SYN3: variants seen among roughly 807,000 people sequenced by gnomAD.
SYN3 encodes the protein synapsin III, also known as synapsin-3.
A neutral mutation model predicts 65.8 loss-of-function variants in SYN3; 35 were observed. The observed-to-expected ratio is 0.53, with a 90% confidence interval of 0.41 to 0.70. The LOEUF is 0.70. SYN3 is among the 30% of genes least tolerant of loss of function. SYN3 has a pLI of 0.00. For missense variants in SYN3, 680 were observed against 749.0 expected (o/e 0.91, Z 1.08); for synonymous variants, 270 against 292.9 (o/e 0.92, Z 0.80).
At chr22:33,048,844 T>C (rs1439743101) in intron 1 of SYN3, among the ~76,000 whole-genome samples, 1 of 152,228 alleles carries the variant, frequency 6.6e-6, no homozygotes, top group East Asian at 1.9e-4. Context: ...CCAAACTGAA[T>C]GACGGAAACC....
intron 1 of SYN3, among the ~76,000 whole-genome samples, chr22:33,007,677 G>A (rs1186487681): frequency 6.6e-6 from 1 of 152,172 alleles, no homozygotes; most frequent in African/African-American, 2.4e-5. Context: ...CCAGAACCAG[G>A]CAAAGCTGAC....
At chr22:32,677,415 G>T (rs1181950362) in intron 6 of SYN3, among the ~76,000 whole-genome samples, 3 of 152,170 alleles carry the variant, frequency 2.0e-5, no homozygotes, top group Non-Finnish European at 2.9e-5. Context: ...AATCCTCATT[G>T]GTAGGGGACT....
intron 7 of SYN3, among the ~76,000 whole-genome samples, chr22:32,549,882 C>CT (rs2058386439): frequency 1.2e-5 from 1 of 85,326 alleles, no homozygotes; most frequent in Admixed American, 1.2e-4. Context: ...CAGCGAGACT[C>CT]TGTCTCAAAA....
chr22:32,543,078 G>A (rs752054479), intron 7 of SYN3, among the ~76,000 whole-genome samples: 2 of 152,118 alleles, frequency 1.3e-5, no homozygotes, highest in South Asian at 2.1e-4. Flanking sequence ...ACGTCCTTCC[G>A]ATCTTCCTCT....
rs2060436936 is a variant in SYN3 at position 32,676,077 on chromosome 22, G to GAAATCAAAGGT, written c.712-79342_712-79341insACCTTTGATTT. On this transcript the variant is annotated intron_variant, in intron 6 of 13. Transcript: ENST00000358763. ...TGAACTCTGAGGATGAAGACTACCT[G>GAAATCAAAGGT]AAAGGTATCTCAGATGATACTGGCC... Among the ~76,000 whole-genome samples the GAAATCAAAGGT allele has an allele frequency of 1.5e-3, 232 of 152,030 alleles. 2 individuals are homozygous for GAAATCAAAGGT. Among genetic ancestry groups the GAAATCAAAGGT allele is most frequent in the Middle Eastern group, 6.8e-3 (2 of 292 alleles).
rs1045566109 is a variant in SYN3 at position 32,603,527 on chromosome 22, CAAAAAAAAAGAAAAA to C, written c.712-6806_712-6792del. On this transcript the variant is annotated intron_variant, in intron 6 of 13. Transcript: ENST00000358763. Reference sequence around the variant, plus strand: ...AGAGCGAGACTCCGAGACTCCGTCTCAAAAAAAAAGAAAAAAAAAAAAAAGAAAGAAAGAAAACAC... The same window carrying C: ...AGAGCGAGACTCCGAGACTCCGTCTCAAAAAAAAAGAAAGAAAGAAAACAC... Among the ~76,000 whole-genome samples, 17 of 82,132 alleles carry C rather than the reference CAAAAAAAAAGAAAAA, an allele frequency of 2.1e-4. No individual in the cohort carries two copies. The Admixed American group carries it at 2.1e-3, about 10-fold the overall frequency. The allele number at this position is 82,132 out of a possible 152,430, so 53.9% of individuals were successfully genotyped here. A position where few individuals can be genotyped will look rare whatever the true frequency, so the allele number is the denominator to read the frequency against.
chr22:33,024,046 A>G (rs2053601255), intron 1 of SYN3, among the ~76,000 whole-genome samples: 1 of 152,124 alleles, frequency 6.6e-6, no homozygotes, highest in Admixed American at 6.5e-5. Flanking sequence ...CTGAGCAAGG[A>G]AGGCACTCTC....
chr22:32,598,029 C>T (rs1372647092), intron 6 of SYN3, among the ~76,000 whole-genome samples: 7 of 152,168 alleles, frequency 4.6e-5, no homozygotes, highest in Admixed American at 3.9e-4. Flanking sequence ...TTTTGCATTG[C>T]GTGAGGGCAA....
intron 6 of SYN3, among the ~76,000 whole-genome samples, chr22:32,754,260 T>G (rs2045228307): frequency 6.6e-6 from 1 of 152,170 alleles, no homozygotes; most frequent in Non-Finnish European, 1.5e-5. Context: ...CAAGCGATTC[T>G]CCTGTCTCAG....
At chr22:32,535,360 G>A (rs899346346) in intron 9 of SYN3, among the ~76,000 whole-genome samples, 7 of 152,210 alleles carry the variant, frequency 4.6e-5, no homozygotes, top group Non-Finnish European at 8.8e-5. Flanking sequence ...GAATCACCAG[G>A]AGAGTTAAAC....
At chr22:32,829,427 G>A (rs974780552) in intron 6 of SYN3, among the ~76,000 whole-genome samples, 2 of 152,232 alleles carry the variant, frequency 1.3e-5, no homozygotes, top group Non-Finnish European at 1.5e-5. Flanking sequence ...CAGAGGGGGT[G>A]GGGTCCCCGG....
chr22:33,019,240 T>C (rs1322395224), intron 1 of SYN3, among the ~76,000 whole-genome samples: 1 of 152,240 alleles, frequency 6.6e-6, no homozygotes, highest in African/African-American at 2.4e-5. Context: ...GATGAAACTC[T>C]TCTAATGAGT....
chr22:32,614,913 T>C (rs1022567685), intron 6 of SYN3, among the ~76,000 whole-genome samples: 9 of 150,420 alleles, frequency 6.0e-5, no homozygotes, highest in African/African-American at 1.7e-4. Context: ...GCTGGCCCCA[T>C]GGAAACAGCC....
At chr22:33,037,804 G>A (rs2053886829) in intron 1 of SYN3, among the ~76,000 whole-genome samples, 2 of 152,156 alleles carry the variant, frequency 1.3e-5, no homozygotes, top group Non-Finnish European at 2.9e-5. Flanking sequence ...GGGAAAGGAA[G>A]GTGTTACCTG....
chr22:32,863,199 T>C (rs2048596110), intron 6 of SYN3, among the ~76,000 whole-genome samples: 1 of 152,208 alleles, frequency 6.6e-6, no homozygotes, highest in African/African-American at 2.4e-5. Context: ...CCTTTTCCCT[T>C]GCAGAAGGAA....
intron 10 of SYN3, chr22:32,530,039 G>A (rs530002846): frequency 1.3e-5 from 2 of 152,142 alleles, no homozygotes; most frequent in Non-Finnish European, 2.9e-5. Context: ...GTATCCTGCC[G>A]TTCTCACCTG....
chr22:32,790,441 A>ATTTATTTATTG (rs1239113655), intron 6 of SYN3, among the ~76,000 whole-genome samples: 1 of 42,624 alleles, frequency 2.3e-5, no homozygotes, highest in African/African-American at 7.2e-5. Context: ...TTTATTTATT[A>ATTTATTTATTG]TTGAGACGGA....
chr22:32,920,856 G>C (rs1381986372), intron 4 of SYN3, among the ~76,000 whole-genome samples: 2 of 152,260 alleles, frequency 1.3e-5, no homozygotes, highest in East Asian at 3.9e-4. Flanking sequence ...AGGGAGAGAA[G>C]GGGGTGGTAC....
At chr22:32,948,541 A>C (rs866162418) in intron 3 of SYN3, among the ~76,000 whole-genome samples, 108 of 151,964 alleles carry the variant, frequency 7.1e-4, no homozygotes, top group African/African-American at 1.5e-3. Context: ...TCGAGACCAT[A>C]CTGGCTAACA....
Sources: allele counts gnomAD v4.1 joint callset (sites outside exome capture counted in the v4.1 genomes callset), GRCh38; gene constraint gnomAD v4.1.1; transcripts MANE v1.5; gene names NCBI Gene and HGNC (gene_info 2026-07-23, HGNC 2026-07-21).